The following CCDC85C variants were observed in gnomAD, a reference collection of about 807,000 sequenced individuals.
CCDC85C encodes the protein coiled-coil domain containing 85C.
Under a neutral mutation model 38.3 loss-of-function variants are expected in CCDC85C, and 18 were observed. The ratio of observed to expected loss-of-function variants is 0.47; its 90% CI spans 0.33 to 0.70. The LOEUF is 0.70. Ranked by LOEUF, CCDC85C falls within the 30% of genes least tolerant of loss-of-function variation. The probability of loss-of-function intolerance (pLI) is 0.03; values close to 1 mark genes in which losing one functional copy is unlikely to be tolerated. For missense variants in CCDC85C, 566 were observed against 621.2 expected, an observed-to-expected ratio of 0.91 and a Z score of 0.94; for synonymous variants, 264 against 293.8, an observed-to-expected ratio of 0.90 and a Z score of 1.04.
intron 1 of CCDC85C, among the ~76,000 whole-genome samples, chr14:99,587,959 G>A (rs1566783499): frequency 6.6e-6 from 1 of 152,172 alleles, no homozygotes; most frequent in African/African-American, 2.4e-5. Context: ...CTGTTCTCGT[G>A]GAGAACGTGG....
chr14:99,515,140 G>T lies in CCDC85C; in HGVS notation c.*106C>A. On this transcript the variant is annotated 3_prime_UTR_variant, in exon 6 of 6. Coordinates refer to ENST00000380243, the MANE Select transcript of CCDC85C (RefSeq NM_001144995.2). ...AGCGTCCTATGTACAGTTCACCACA[G>T]AGGAAGAAGACAGGGGCTGGGCTGG... The T allele has an allele frequency of 1.3e-6, 1 of 793,858 alleles. No individual in the cohort carries two copies. The highest frequency in any genetic ancestry group is 2.0e-6 in the Non-Finnish European group (1 of 492,932). The allele number at this position is 793,858 out of a possible 1,614,324, so 49.2% of individuals were successfully genotyped here.
At chr14:99,573,750 C>T (rs868060867) in intron 1 of CCDC85C, among the ~76,000 whole-genome samples, 23 of 152,310 alleles carry the variant, frequency 1.5e-4, no homozygotes, top group African/African-American at 5.3e-4. Flanking sequence ...GGCAGAGGTG[C>T]TGCCTTTGGG....
In CCDC85C at chr14:99,513,312, G is replaced by A. The variant is rs936805311; in HGVS notation, c.*1934C>T. The stretch of plus-strand genomic sequence containing the variant: ...TACTCTGCGGTTCTTTGGACTGCAA[G>A]ACCCAGAGGGGCCTCTGCTCAGCTG... On this transcript the variant is annotated 3_prime_UTR_variant, in exon 6 of 6. Coordinates refer to ENST00000380243, the MANE Select transcript of CCDC85C (RefSeq NM_001144995.2). 6.6e-6 allele frequency: 1 copy of A among 152,242 alleles called. No homozygotes were observed. The highest frequency in any genetic ancestry group is 1.5e-5 in the Non-Finnish European group (1 of 68,030). 9.4% of individuals were successfully genotyped at this position (152,242 alleles called of 1,614,324 possible).
At chr14:99,530,202 C>T (rs192565881) in intron 2 of CCDC85C, among the ~76,000 whole-genome samples, 7 of 152,310 alleles carry the variant, frequency 4.6e-5, no homozygotes, top group Admixed American at 1.3e-4. Flanking sequence ...GCCCACATTG[C>T]GAGACTGACC....
At chr14:99,526,334 T>C (rs1897382730) in intron 2 of CCDC85C, among the ~76,000 whole-genome samples, 1 of 152,196 alleles carries the variant, frequency 6.6e-6, no homozygotes, top group South Asian at 2.1e-4. Flanking sequence ...CTGCAGGCAC[T>C]AACAATGCCT....
chr14:99,527,414 G>A (rs1354763424), intron 2 of CCDC85C, among the ~76,000 whole-genome samples: 11 of 152,200 alleles, frequency 7.2e-5, no homozygotes, highest in South Asian at 2.1e-4. Context: ...AGGGTAATGC[G>A]GGGCAGGTAT....
At chr14:99,540,522 A>T (rs1351589706) in intron 1 of CCDC85C, among the ~76,000 whole-genome samples, 3 of 152,182 alleles carry the variant, frequency 2.0e-5, no homozygotes, top group African/African-American at 7.2e-5. Flanking sequence ...AGTTAATCCC[A>T]GGGTTTACAG....
In CCDC85C at chr14:99,520,436, C is replaced by T. The variant is rs187491639; in HGVS notation, c.975+1697G>A. Among the ~76,000 whole-genome samples, 3 of 146,582 alleles carry T rather than the reference C, an allele frequency of 2.0e-5. No homozygotes were observed. Among genetic ancestry groups the T allele is most frequent in the Middle Eastern group, 7.3e-3 (2 of 274 alleles). ...TGGGGGCCTGCCCGCCGACCAGCCC[C>T]GATCACGGCCCCTGCACCTCAGTTC... On this transcript the variant is annotated intron_variant, in intron 3 of 5. Transcript: ENST00000380243. This position sits in a 1 kb window ranked among gnomAD's most constrained non-coding sequence, Gnocchi z 4.1.
In CCDC85C at chr14:99,501,240, G is replaced by C; in HGVS notation, c.*14006C>G. The C allele has an allele frequency of 1.4e-6, 1 of 712,670 alleles. No individual in the cohort carries two copies. The highest frequency in any genetic ancestry group is 2.5e-6 in the Non-Finnish European group (1 of 398,672). 44.1% of individuals were successfully genotyped at this position (712,670 alleles called of 1,614,324 possible). ...ATTCATCCTTGTTTCCCACGCAAAAGCTCTTTGCTGTGTATTTGAGTGGTG... is the reference window on the plus strand; with the variant it reads ...ATTCATCCTTGTTTCCCACGCAAAACCTCTTTGCTGTGTATTTGAGTGGTG... On this transcript the variant is annotated 3_prime_UTR_variant, in exon 6 of 6. Coordinates refer to ENST00000380243, the MANE Select transcript of CCDC85C (RefSeq NM_001144995.2).
intron 2 of CCDC85C, among the ~76,000 whole-genome samples, chr14:99,527,792 C>T (rs1157625517): frequency 6.6e-6 from 1 of 152,126 alleles, no homozygotes. Context: ...AGCCTCGTCT[C>T]CACTAACTCA....
At position 99,502,645 on chromosome 14, in the gene CCDC85C, C is replaced by T; in HGVS notation, c.*12601G>A. 2 of 1,436,402 alleles carry T rather than the reference C, an allele frequency of 1.4e-6. No homozygotes were observed. Among genetic ancestry groups the T allele is most frequent in the Non-Finnish European group, 1.9e-6 (2 of 1,034,684 alleles). The allele number at this position is 1,436,402 out of a possible 1,614,324, so 89.0% of individuals were successfully genotyped here. A position where few individuals can be genotyped will look rare whatever the true frequency, so the allele number is the denominator to read the frequency against. On this transcript the variant is annotated 3_prime_UTR_variant, in exon 6 of 6. Coordinates refer to ENST00000380243, the MANE Select transcript of CCDC85C (RefSeq NM_001144995.2). ...TTAGGTCCTCGTAGGGGTATCATAACTGATTCTTTATCCAGGTAAAATTTT... is the reference window on the plus strand; with the variant it reads ...TTAGGTCCTCGTAGGGGTATCATAATTGATTCTTTATCCAGGTAAAATTTT...
intron 1 of CCDC85C, among the ~76,000 whole-genome samples, chr14:99,536,898 C>T (rs1478380062): frequency 6.6e-6 from 1 of 152,202 alleles, no homozygotes; most frequent in Non-Finnish European, 1.5e-5. Context: ...CTGGTCCTGC[C>T]TCCCCCCAGG....
chr14:99,512,486 T>A lies in CCDC85C; in HGVS notation c.*2760A>T, dbSNP rs1459822048. ...TCCTCAAGTTTCAAGAAAAAAAAAA[T>A]GAAAGGTCACTTTTTTCTCTTTAAA... On this transcript the variant is annotated 3_prime_UTR_variant, in exon 6 of 6. Transcript: ENST00000380243. 2 of 149,560 alleles carry A rather than the reference T, an allele frequency of 1.3e-5. No homozygotes were observed. The highest frequency in any genetic ancestry group is 4.9e-5 in the African/African-American group (2 of 40,674). The allele number at this position is 149,560 out of a possible 1,614,324, so 9.3% of individuals were successfully genotyped here. A position where few individuals can be genotyped will look rare whatever the true frequency, so the allele number is the denominator to read the frequency against.
chr14:99,571,982 G>A (rs1299269793), intron 1 of CCDC85C, among the ~76,000 whole-genome samples: 1 of 152,210 alleles, frequency 6.6e-6, no homozygotes, highest in African/African-American at 2.4e-5. Flanking sequence ...AGGGGACAAG[G>A]AGTGAGGCAT....
chr14:99,569,500 G>A lies in CCDC85C; in HGVS notation c.794-33412C>T, dbSNP rs1258563886. 6.6e-6 allele frequency among the ~76,000 whole-genome samples: 1 copy of A among 152,138 alleles called. No individual in the cohort carries two copies. Among genetic ancestry groups the A allele is most frequent in the Non-Finnish European group, 1.5e-5 (1 of 68,016 alleles). ...GCAGTTACGGCTGCCCCAGGGCTGG[G>A]ACCAAACCCACAGCCACAAAAACCA... is the stretch of plus-strand genomic sequence containing the variant. On this transcript the variant is annotated intron_variant, in intron 1 of 5. Transcript: ENST00000380243. This position sits in a 1 kb window ranked among gnomAD's most constrained non-coding sequence, Gnocchi z 4.3.
intron 1 of CCDC85C, among the ~76,000 whole-genome samples, chr14:99,593,121 G>A (rs903197247): frequency 7.9e-5 from 12 of 152,242 alleles, no homozygotes; most frequent in African/African-American, 2.9e-4. Context: ...GAGCCGGGCC[G>A]GTGCCGTGCG....
rs1382244477 is a variant in CCDC85C, at chr14:99,535,087, C to T, written c.867+928G>A. On this transcript the variant is annotated intron_variant, in intron 2 of 5. Transcript: ENST00000380243. This position sits in a 1 kb window ranked among gnomAD's most constrained non-coding sequence, Gnocchi z 5.5. ...CTGGGGCCGTGAGCCTCCCAGCAGCCGCCCAGTGGGCAGAGAGGGTGCCGT... is the reference window on the plus strand; with the variant it reads ...CTGGGGCCGTGAGCCTCCCAGCAGCTGCCCAGTGGGCAGAGAGGGTGCCGT... 1 of 205,572 alleles carries T rather than the reference C, an allele frequency of 4.9e-6. No individual in the cohort carries two copies. Among genetic ancestry groups the T allele is most frequent in the Admixed American group, 5.6e-5 (1 of 17,934 alleles). 12.7% of individuals were successfully genotyped at this position (205,572 alleles called of 1,614,324 possible).
rs150245319 is a variant in CCDC85C, at chr14:99,515,024, C to T, written c.*222G>A. 97 of 501,308 alleles carry T rather than the reference C, an allele frequency of 1.9e-4. No individual in the cohort carries two copies. In the East Asian group the frequency reaches 3.0e-3, roughly 16 times the overall value. 31.1% of individuals were successfully genotyped at this position (501,308 alleles called of 1,614,324 possible). On this transcript the variant is annotated 3_prime_UTR_variant, in exon 6 of 6. Coordinates refer to ENST00000380243, the MANE Select transcript of CCDC85C (RefSeq NM_001144995.2). ...CGCTCTGCTGCAGGAACAGTCGCAG[C>T]GTCTCGTCTTCCCAGGTTGCTGGTG...
intron 1 of CCDC85C, among the ~76,000 whole-genome samples, chr14:99,566,719 G>A (rs567104822): frequency 2.6e-5 from 4 of 152,150 alleles, no homozygotes; most frequent in African/African-American, 9.7e-5. Flanking sequence ...TCTGCCCCAC[G>A]TCCACTGGCC....
Sources: gnomAD v4.1 joint callset for allele counts (sites outside exome capture counted in the v4.1 genomes callset) on GRCh38, gnomAD v4.1.1 for gene constraint, Gnocchi (gnomAD v3.1) non-coding constraint, MANE v1.5 for transcripts, NCBI Gene and HGNC (gene_info 2026-07-23, HGNC 2026-07-21) for gene names.